The following KLHL12 variants were observed in gnomAD, a reference collection of about 807,000 sequenced individuals.
The protein encoded by KLHL12 is kelch-like protein 12.
A neutral mutation model predicts 60.8 loss-of-function variants in KLHL12; 17 were observed. The observed-to-expected ratio is 0.28, with a 90% confidence interval of 0.19 to 0.42. The LOEUF (loss-of-function observed/expected upper bound fraction) is 0.42, where lower values mean the gene tolerates loss of function less well. KLHL12 is among the 10% of genes least tolerant of loss of function. The probability of loss-of-function intolerance (pLI) is 1.00; values close to 1 mark genes in which losing one functional copy is unlikely to be tolerated. For synonymous variants in KLHL12, 220 were observed against 250.9 expected (o/e 0.88, Z 1.16); for missense variants, 468 against 722.3 (o/e 0.65, Z 4.04).
Position 202,895,418 on chromosome 1 carries a change from A to G in KLHL12, c.1135+104T>C, listed in dbSNP as rs1354949737. 9.9e-7 allele frequency: 1 copy of G among 1,005,108 alleles called. No homozygotes were observed. The highest frequency in any genetic ancestry group is 1.6e-5 in the African/African-American group (1 of 61,194). The allele number at this position is 1,005,108 out of a possible 1,614,324, so 62.3% of individuals were successfully genotyped here. ...CAAATAATAATAACATTTGACCTTA[A>G]TTTTTTCTCCGTATTTCATGCTCCT... On this transcript the variant is annotated intron_variant, in intron 8 of 11. Coordinates refer to ENST00000367261, the MANE Select transcript of KLHL12 (RefSeq NM_021633.4). The surrounding 1 kb of genome is among the most constrained non-coding windows in gnomAD (Gnocchi z 4.2).
Position 202,918,219 on chromosome 1 carries a change from A to T in KLHL12, c.519T>A (p.Leu173=). 1 of 1,614,140 alleles carries T rather than the reference A, an allele frequency of 6.2e-7. No individual in the cohort carries two copies. The highest frequency in any genetic ancestry group is 1.1e-5 in the South Asian group (1 of 91,082). The change falls in exon 4 of 12, where the codon CTT becomes CTA. Residue 173 remains leucine (L), a synonymous_variant. Coordinates refer to ENST00000367261, the MANE Select transcript of KLHL12 (RefSeq NM_021633.4). ...GCTTTTCCACCTCTCCTTGACTCAG[A>T]AGAATGAACTCTTCATGCTGTACCA... ...PEVVQHEEFI[L]LSQGEVEKLI...
At position 202,911,212 on chromosome 1, in the gene KLHL12, G is replaced by T. The variant is rs765371523; in HGVS notation, c.568-9C>A. 12 of 1,612,984 alleles carry T rather than the reference G, an allele frequency of 7.4e-6. No homozygotes were observed. The Admixed American group carries it at 2.0e-4, about 27-fold the overall frequency. On this transcript the variant is annotated splice_polypyrimidine_tract_variant and intron_variant, in intron 4 of 11. Coordinates refer to ENST00000367261, the MANE Select transcript of KLHL12 (RefSeq NM_021633.4). Reference sequence around the variant, plus strand: ...GGCTCTTCAGAATCCACCTGTAAATGTATAATTACACACCGTGGATCCTAC... The same window carrying T: ...GGCTCTTCAGAATCCACCTGTAAATTTATAATTACACACCGTGGATCCTAC...
At position 202,893,267 on chromosome 1, in the gene KLHL12, G is replaced by C; in HGVS notation, c.1552C>G (p.Leu518Val). 1 of 1,609,692 alleles carries C rather than the reference G, an allele frequency of 6.2e-7. No individual in the cohort carries two copies. Among genetic ancestry groups the C allele is most frequent in the Non-Finnish European group, 8.5e-7 (1 of 1,178,692 alleles). The change falls in exon 11 of 12, where the codon CTT becomes GTT. Residue 518 changes from leucine to valine, a missense_variant. Physicochemically the swap from Leu to Val is conservative, Grantham distance 32. This residue lies in a region of KLHL12 where 68 missense variants were observed against 119.8 expected (regional missense o/e 0.57). Coordinates refer to ENST00000367261, the MANE Select transcript of KLHL12 (RefSeq NM_021633.4). This position sits in a 1 kb window ranked among gnomAD's most constrained non-coding sequence, Gnocchi z 4.1. ...TPRCYVGATVLRGRLYAIAGY... is the reference protein window; with the variant it reads ...TPRCYVGATVVRGRLYAIAGY... ...GCAATTGCATAGAGTCTCCCCCGAA[G>C]CACTGTGGCCCCTACATAGCATCGT...
intron 6 of KLHL12, among the ~76,000 whole-genome samples, chr1:202,903,944 T>C (rs1660101785): frequency 6.6e-6 from 1 of 151,874 alleles, no homozygotes; most frequent in Non-Finnish European, 1.5e-5. Flanking sequence ...TATGAGCTCT[T>C]TACACACAAA....
chr1:202,927,856 C>A (rs1366101024), upstream of KLHL12, among the ~76,000 whole-genome samples: 2 of 151,656 alleles, frequency 1.3e-5, no homozygotes, highest in Non-Finnish European at 2.9e-5. Flanking sequence ...GTGGCACGCG[C>A]CTGTAATCCC....
rs373745471 is a variant in KLHL12 at position 202,909,175 on chromosome 1, A to G, written c.718-51T>C. On this transcript the variant is annotated intron_variant, in intron 5 of 11. Transcript: ENST00000367261. The surrounding 1 kb of genome is among the most constrained non-coding windows in gnomAD (Gnocchi z 4.1). ...AGGCACTGGGGATACCTGTAATACTATAAGAGTACAAAGAGCACATGCAAA... is the reference window on the plus strand; with the variant it reads ...AGGCACTGGGGATACCTGTAATACTGTAAGAGTACAAAGAGCACATGCAAA... The G allele has an allele frequency of 3.9e-5, 44 of 1,142,674 alleles. No individual in the cohort carries two copies. The highest frequency in any genetic ancestry group is 1.9e-4 in the South Asian group (15 of 78,354). The allele number at this position is 1,142,674 out of a possible 1,614,324, so 70.8% of individuals were successfully genotyped here. A position where few individuals can be genotyped will look rare whatever the true frequency, so the allele number is the denominator to read the frequency against.
At chr1:202,898,135 C>G (rs1325740293) in intron 6 of KLHL12, among the ~76,000 whole-genome samples, 2 of 152,142 alleles carry the variant, frequency 1.3e-5, no homozygotes, top group African/African-American at 4.8e-5. Context: ...AACTCCCGGC[C>G]TCAAGCGATA....
Position 202,909,219 on chromosome 1 carries a change from A to G in KLHL12, c.718-95T>C. The G allele has an allele frequency of 1.3e-6, 1 of 758,222 alleles. No individual in the cohort carries two copies. The allele number at this position is 758,222 out of a possible 1,614,324, so 47.0% of individuals were successfully genotyped here. A position where few individuals can be genotyped will look rare whatever the true frequency, so the allele number is the denominator to read the frequency against. ...ATGCAAATAATTAACTTCTGACTAC[A>G]GAAAACCAGTTTGCAAAGCCCTGTG... On this transcript the variant is annotated intron_variant, in intron 5 of 11. Coordinates refer to ENST00000367261, the MANE Select transcript of KLHL12 (RefSeq NM_021633.4). The surrounding 1 kb of genome is among the most constrained non-coding windows in gnomAD (Gnocchi z 4.1).
chr1:202,914,507 A>C (rs1660460609), intron 4 of KLHL12, among the ~76,000 whole-genome samples: 1 of 152,216 alleles, frequency 6.6e-6, no homozygotes, highest in South Asian at 2.1e-4. Context: ...AGGTTAAATT[A>C]GATATATCAA....
chr1:202,925,969 G>A (rs1298603218), intron 1 of KLHL12, among the ~76,000 whole-genome samples: 1 of 151,914 alleles, frequency 6.6e-6, no homozygotes, highest in East Asian at 1.9e-4. Flanking sequence ...GCCAGGCGTG[G>A]TGATGCGCGC....
chr1:202,895,654 C>A lies in KLHL12; in HGVS notation c.1003G>T (p.Gly335Cys), dbSNP rs750075682. 2 of 1,614,116 alleles carry A rather than the reference C, an allele frequency of 1.2e-6. No individual in the cohort carries two copies. The highest frequency in any genetic ancestry group is 1.7e-6 in the Non-Finnish European group (2 of 1,180,004). ...VSLHDRIYVI[G>C]GYDGRSRLSS... Reference sequence around the variant, plus strand: ...AGGCGGGAACGGCCATCATAGCCACCAATGACGTAGATCCGGTCATGAAGG... The same window carrying A: ...AGGCGGGAACGGCCATCATAGCCACAAATGACGTAGATCCGGTCATGAAGG... The change falls in exon 8 of 12, where the codon GGT (glycine) becomes TGT (cysteine). Residue 335 changes from glycine (G) to cysteine (C), a missense_variant. Gly to Cys is a radical substitution (Grantham distance 159). This residue lies in a region of KLHL12 where 339 missense variants were observed against 525.0 expected (regional missense o/e 0.65). Coordinates refer to ENST00000367261, the MANE Select transcript of KLHL12 (RefSeq NM_021633.4). The surrounding 1 kb of genome is among the most constrained non-coding windows in gnomAD (Gnocchi z 4.2).
chr1:202,896,342 T>C (rs1056850530), intron 7 of KLHL12, among the ~76,000 whole-genome samples: 9 of 152,148 alleles, frequency 5.9e-5, no homozygotes, highest in Non-Finnish European at 1.0e-4. Flanking sequence ...TGCACCACCA[T>C]GCCTGGCTAA....
At chr1:202,892,785 A>C (rs1367567637) in intron 11 of KLHL12, 126 bp from the exon 12 acceptor site, 95 of 902,234 alleles carry the variant, frequency 1.1e-4, no homozygotes, top group Non-Finnish European at 1.5e-4. Flanking sequence ...ATTTGAGACC[A>C]GCCTGGGCAA....
intron 6 of KLHL12, among the ~76,000 whole-genome samples, chr1:202,908,090 T>C (rs183944432): frequency 6.6e-6 from 1 of 152,212 alleles, no homozygotes; most frequent in Non-Finnish European, 1.5e-5. Flanking sequence ...AATGTTTTTA[T>C]ACACTATACA....
chr1:202,926,754 T>C (rs1041057647), intron 1 of KLHL12, among the ~76,000 whole-genome samples: 2 of 152,194 alleles, frequency 1.3e-5, no homozygotes, highest in Non-Finnish European at 2.9e-5. Flanking sequence ...AACATCTGAA[T>C]GGAGGGATTC....
At chr1:202,914,295 G>A (rs544205579) in intron 4 of KLHL12, among the ~76,000 whole-genome samples, 1 of 152,316 alleles carries the variant, frequency 6.6e-6, no homozygotes, top group Non-Finnish European at 1.5e-5. Flanking sequence ...GGTACATTAG[G>A]CAAAAGGTGA....
chr1:202,918,252 A>G lies in KLHL12; in HGVS notation c.486T>C (p.Phe162=). 6.2e-7 allele frequency: 1 copy of G among 1,614,176 alleles called. No individual in the cohort carries two copies. Among genetic ancestry groups the G allele is most frequent in the South Asian group, 1.1e-5 (1 of 91,088 alleles). The change falls in exon 4 of 12, where the codon TTT becomes TTC. Residue 162 remains phenylalanine (F), a synonymous_variant. Transcript: ENST00000367261. ...ACTCTTCATGCTGTACCACTTCAGG[A>G]AAATGCTTCTGGCTAAAAACCTCAG... ...QAAEVFSQKH[F]PEVVQHEEFI...
chr1:202,896,602 A>T (rs1659842392), intron 7 of KLHL12, among the ~76,000 whole-genome samples: 1 of 152,264 alleles, frequency 6.6e-6, no homozygotes. Context: ...CAGACAGCTT[A>T]GAAAGGCACC....
chr1:202,915,965 GTATTAGCTATTA>G (rs977177278), intron 4 of KLHL12, among the ~76,000 whole-genome samples: 1 of 152,200 alleles, frequency 6.6e-6, no homozygotes, highest in Non-Finnish European at 1.5e-5. Flanking sequence ...TGCTGAATAA[GTATTAGCTATTA>G]TATGTAGTGA....
Sources: gnomAD v4.1 joint callset for allele counts (sites outside exome capture counted in the v4.1 genomes callset) on GRCh38, gnomAD v4.1.1 for gene constraint, gnomAD v4.1.1 regional missense constraint, Gnocchi (gnomAD v3.1) non-coding constraint, MANE v1.5 for transcripts, NCBI Gene and HGNC (gene_info 2026-07-23, HGNC 2026-07-21) for gene names.